The following DLK1 variants were observed in gnomAD, a reference collection of about 807,000 sequenced individuals.
DLK1 encodes the protein delta like non-canonical Notch ligand 1.
Under a neutral mutation model 35.2 loss-of-function variants are expected in DLK1, and 9 were observed. The ratio of observed to expected loss-of-function variants is 0.26; its 90% confidence interval spans 0.15 to 0.45. The LOEUF (loss-of-function observed/expected upper bound fraction) is 0.45. DLK1 is among the 20% of genes least tolerant of loss of function. The pLI, the probability that DLK1 is intolerant of heterozygous loss-of-function variation, is 1.00. For synonymous variants in DLK1, 231 were observed against 228.4 expected, an observed-to-expected ratio of 1.01 and a Z score of -0.10; for missense variants, 522 against 528.5, an observed-to-expected ratio of 0.99 and a Z score of 0.12.
chr14:100,736,460 C>G lies in DLK1; in HGVS notation c.*1564C>G, dbSNP rs1595211731. On this transcript the variant is annotated 3_prime_UTR_variant, in exon 5 of 5. Coordinates refer to ENST00000341267, the MANE Select transcript of DLK1 (RefSeq NM_003836.7). The stretch of plus-strand genomic sequence containing the variant: ...TCACCCACACACAACTCACAGTCAC[C>G]CATCCATTGGTCACCTGCGCCATCG... 1 of 152,220 alleles carries G rather than the reference C, an allele frequency of 6.6e-6. No homozygotes were observed. The highest frequency in any genetic ancestry group is 2.4e-5 in the African/African-American group (1 of 41,342). The allele number at this position is 152,220 out of a possible 1,614,324, so 9.4% of individuals were successfully genotyped here. A position where few individuals can be genotyped will look rare whatever the true frequency, so the allele number is the denominator to read the frequency against.
At chr14:100,730,358 T>C (rs1394898086) in intron 3 of DLK1, among the ~76,000 whole-genome samples, 1 of 152,150 alleles carries the variant, frequency 6.6e-6, no homozygotes, top group African/African-American at 2.4e-5. Context: ...TTGCTGAAAT[T>C]TTCCGGACAA....
intron 4 of DLK1, 90 bp downstream of exon 4, chr14:100,732,273 G>GTTCCCTCCC: frequency 6.6e-7 from 1 of 1,516,198 alleles, no homozygotes; most frequent in Non-Finnish European, 8.9e-7. Flanking sequence ...TGGACCTGTC[G>GTTCCCTCCC]TCTGACAAAA....
rs2036584918 is a variant in DLK1, at chr14:100,737,297, A to G, written c.*2401A>G. On this transcript the variant is annotated 3_prime_UTR_variant, in exon 5 of 5. Transcript: ENST00000341267. ...AGAAATAAAAAAATTAAAAAGACAA[A>G]AAAAAGAATTGTTGGCATGTGTCAG... 1 of 151,430 alleles carries G rather than the reference A, an allele frequency of 6.6e-6. No individual in the cohort carries two copies. The highest frequency in any genetic ancestry group is 1.5e-5 in the Non-Finnish European group (1 of 67,940). The allele number at this position is 151,430 out of a possible 1,614,324, so 9.4% of individuals were successfully genotyped here.
rs764216070 is a variant in DLK1, at chr14:100,728,985, C to T, written c.181C>T (p.Pro61Ser). The T allele has an allele frequency of 3.1e-6, 5 of 1,613,998 alleles. No homozygotes were observed. Among genetic ancestry groups the T allele is most frequent in the African/African-American group, 1.3e-5 (1 of 74,924 alleles). ...CCTTTGTGACCAGTGCGTGACCTCT[C>T]CCGGCTGCCTTCACGGACTCTGTGG... ...GPLCDQCVTS[P>S]GCLHGLCGEP... Residue 61 changes from proline (P) to serine (S), a missense_variant, in exon 3 of 5, where the codon CCC becomes TCC. Pro to Ser is a moderately conservative substitution (Grantham distance 74). Coordinates refer to ENST00000341267, the MANE Select transcript of DLK1 (RefSeq NM_003836.7).
intron 1 of DLK1, 55 bp downstream of exon 1, chr14:100,727,190 C>T: frequency 1.3e-6 from 2 of 1,486,622 alleles, no homozygotes; most frequent in Non-Finnish European, 1.8e-6. Context: ...TGCGACTCCC[C>T]GCCGGCCGCC....
At chr14:100,729,307 G>A (rs1365769969) in intron 3 of DLK1, 2 of 701,902 alleles carry the variant, frequency 2.8e-6, no homozygotes, top group Admixed American at 2.1e-5. Context: ...GAGGGAACAT[G>A]GCGTGGGGGC....
rs2036567572 is a variant in DLK1 at position 100,735,903 on chromosome 14, C to G, written c.*1007C>G. ...GCCCACCCAGAACCCCAACACTATA[C>G]CTGCCTCTACCCTATAGAGACATCC... On this transcript the variant is annotated 3_prime_UTR_variant, in exon 5 of 5. Coordinates refer to ENST00000341267, the MANE Select transcript of DLK1 (RefSeq NM_003836.7). 1 of 140,910 alleles carries G rather than the reference C, an allele frequency of 7.1e-6. No homozygotes were observed. Among genetic ancestry groups the G allele is most frequent in the Admixed American group, 7.1e-5 (1 of 14,160 alleles). 8.7% of individuals were successfully genotyped at this position (140,910 alleles called of 1,614,324 possible). A position where few individuals can be genotyped will look rare whatever the true frequency, so the allele number is the denominator to read the frequency against.
chr14:100,729,369 C>A lies in DLK1; in HGVS notation c.262+303C>A, dbSNP rs544864138. On this transcript the variant is annotated intron_variant, in intron 3 of 4. Coordinates refer to ENST00000341267, the MANE Select transcript of DLK1 (RefSeq NM_003836.7). ...TCACAAAATACACATACAGCTGGGC[C>A]GGTGGGACCACAGACCCCAGGCTGC... 5 of 620,642 alleles carry A rather than the reference C, an allele frequency of 8.1e-6. 1 individual carries two copies. In the East Asian group the frequency reaches 1.4e-4, roughly 17 times the overall value. The allele number at this position is 620,642 out of a possible 1,614,324, so 38.4% of individuals were successfully genotyped here.
At chr14:100,729,327 G>T (rs573616694) in intron 3 of DLK1, 9 of 659,974 alleles carry the variant, frequency 1.4e-5, no homozygotes, top group Admixed American at 2.3e-5. Context: ...CCAGGGAGCT[G>T]CCTGTTGAAT....
chr14:100,734,255 G>C lies in DLK1; in HGVS notation c.511G>C (p.Ala171Pro). The C allele has an allele frequency of 1.2e-6, 2 of 1,613,448 alleles. No individual in the cohort carries two copies. The highest frequency in any genetic ancestry group is 2.2e-5 in the South Asian group (2 of 91,080). Reference sequence around the variant, plus strand: ...CTCAGGCAATTTCTGCGAGATCGTGGCCAACAGCTGCACCCCCAACCCATG... The same window carrying C: ...CTCAGGCAATTTCTGCGAGATCGTGCCCAACAGCTGCACCCCCAACCCATG... ...GFSGNFCEIV[A>P]NSCTPNPCEN... Residue 171 changes from alanine (A) to proline (P), a missense_variant, in exon 5 of 5, where the codon GCC becomes CCC. By Grantham distance (27) the Ala-to-Pro change is conservative. Transcript: ENST00000341267. The surrounding 1 kb of genome is among the most constrained non-coding windows in gnomAD (Gnocchi z 7.4).
intron 2 of DLK1, 164 bp downstream of exon 2, chr14:100,728,623 G>T: frequency 5.8e-6 from 1 of 172,518 alleles, no homozygotes; most frequent in Non-Finnish European, 1.2e-5. Context: ...GATGGGGGGG[G>T]CGGGGGGGGG....
Position 100,735,261 on chromosome 14 carries a change from C to A in DLK1, c.*365C>A. The A allele has an allele frequency of 5.2e-6, 1 of 193,926 alleles. No individual in the cohort carries two copies. The highest frequency in any genetic ancestry group is 1.0e-5 in the Non-Finnish European group (1 of 95,868). 12.0% of individuals were successfully genotyped at this position (193,926 alleles called of 1,614,324 possible). A position where few individuals can be genotyped will look rare whatever the true frequency, so the allele number is the denominator to read the frequency against. On this transcript the variant is annotated 3_prime_UTR_variant, in exon 5 of 5. Coordinates refer to ENST00000341267, the MANE Select transcript of DLK1 (RefSeq NM_003836.7). ...CTGGGGGTCTCGGCCACATGGTCCT[C>A]GTGAAACCGTTACGAGTGCTGTACA...
At chr14:100,733,853 C>G (rs1042864621) in intron 4 of DLK1, among the ~76,000 whole-genome samples, 2 of 152,168 alleles carry the variant, frequency 1.3e-5, no homozygotes, top group Non-Finnish European at 2.9e-5. Context: ...CGTGGGCATC[C>G]TGGCATGGGA....
At position 100,738,159 on chromosome 14, in the gene DLK1, C is replaced by T. The variant is rs1053142403; in HGVS notation, c.*3263C>T. ...TCCTTGGCGCTCTTTTTAGCTTTCC[C>T]GTTTACTACCAGTCCAGACATGCAA... On this transcript the variant is annotated 3_prime_UTR_variant, in exon 5 of 5. Coordinates refer to ENST00000341267, the MANE Select transcript of DLK1 (RefSeq NM_003836.7). The T allele has an allele frequency of 2.6e-5, 4 of 152,166 alleles. No individual in the cohort carries two copies. The highest frequency in any genetic ancestry group is 9.7e-5 in the African/African-American group (4 of 41,430). The allele number at this position is 152,166 out of a possible 1,614,324, so 9.4% of individuals were successfully genotyped here.
At chr14:100,732,494 G>C (rs1015726229) in intron 4 of DLK1, among the ~76,000 whole-genome samples, 9 of 152,242 alleles carry the variant, frequency 5.9e-5, no homozygotes, top group Admixed American at 2.0e-4. Context: ...TAAAGGCAAC[G>C]TAGTAAAAGA....
At chr14:100,732,952 G>A (rs1273597512) in intron 4 of DLK1, among the ~76,000 whole-genome samples, 2 of 152,186 alleles carry the variant, frequency 1.3e-5, no homozygotes, top group Non-Finnish European at 1.5e-5. Flanking sequence ...TGGGGGGCAG[G>A]GGTGTCCCTT....
At chr14:100,730,512 G>A (rs1056792301) in intron 3 of DLK1, among the ~76,000 whole-genome samples, 2 of 152,288 alleles carry the variant, frequency 1.3e-5, no homozygotes, top group Admixed American at 6.5e-5. Context: ...TGAGGCTGTC[G>A]TGGCCACAGC....
chr14:100,727,185 C>T (rs1345347705), intron 1 of DLK1, 50 bp downstream of exon 1: 3 of 1,494,150 alleles, frequency 2.0e-6, no homozygotes, highest in Non-Finnish European at 2.7e-6. Flanking sequence ...AAGCCTGCGA[C>T]TCCCCGCCGG....
intron 1 of DLK1, 117 bp downstream of exon 1, chr14:100,727,252 A>G: frequency 9.4e-7 from 1 of 1,066,692 alleles, no homozygotes; most frequent in Non-Finnish European, 1.3e-6. Context: ...CGTCCCGCCT[A>G]GCCCTAAGCC....
Sources: gnomAD v4.1 joint callset for allele counts (sites outside exome capture counted in the v4.1 genomes callset) on GRCh38, gnomAD v4.1.1 for gene constraint, Gnocchi (gnomAD v3.1) non-coding constraint, MANE v1.5 for transcripts, NCBI Gene and HGNC (gene_info 2026-07-23, HGNC 2026-07-21) for gene names.